Variants in RBM47 observed in about 807,000 individuals in gnomAD.
RBM47 encodes RNA-binding protein 47.
Under a neutral mutation model 47.1 loss-of-function variants are expected in RBM47, and 21 were observed. The ratio of observed to expected loss-of-function variants is 0.45; its 90% CI spans 0.32 to 0.64. The LOEUF (loss-of-function observed/expected upper bound fraction) is 0.64. Ranked by LOEUF, RBM47 falls within the 30% of genes least tolerant of loss-of-function variation. The pLI, the probability that RBM47 is intolerant of heterozygous loss-of-function variation, is 0.05. For synonymous variants in RBM47, 375 were observed against 361.7 expected (o/e 1.04, Z -0.42); for missense variants, 708 against 870.9 (o/e 0.81, Z 2.35).
At chr4:40,560,955 C>T (rs987279761) in intron 1 of RBM47, among the ~76,000 whole-genome samples, 1 of 150,238 alleles carries the variant, frequency 6.7e-6, no homozygotes, top group African/African-American at 2.4e-5. Flanking sequence ...AAAAGTAAGA[C>T]TCCTTCTCGG....
chr4:40,604,837 C>T (rs1414504741), intron 1 of RBM47, among the ~76,000 whole-genome samples: 3 of 152,154 alleles, frequency 2.0e-5, no homozygotes, highest in African/African-American at 7.2e-5. Flanking sequence ...CTGCCTCAGC[C>T]TCCTGAGTTG....
intron 1 of RBM47, among the ~76,000 whole-genome samples, chr4:40,601,037 C>G (rs567880242): frequency 6.2e-5 from 9 of 144,862 alleles, no homozygotes; most frequent in South Asian, 2.2e-4. Flanking sequence ...TCCTAGTAAG[C>G]CTTTCCAGTC....
rs142195023 is a variant in RBM47 at position 40,598,432 on chromosome 4, G to A, written c.-240+30964C>T. Among the ~76,000 whole-genome samples, 20 of 152,174 alleles carry A rather than the reference G, an allele frequency of 1.3e-4. No individual in the cohort carries two copies. The East Asian group carries it at 3.9e-3, about 29-fold the overall frequency. The stretch of plus-strand genomic sequence containing the variant: ...CAGCTAGTCTTTGTATTGTTTTGTA[G>A]AGAGAGGGTTTTGCCATGTTGCCCA... On this transcript the variant is annotated intron_variant, in intron 1 of 6. Transcript: ENST00000295971.
At chr4:40,554,949 T>G (rs1433743624) in intron 1 of RBM47, among the ~76,000 whole-genome samples, 1 of 151,970 alleles carries the variant, frequency 6.6e-6, no homozygotes, top group East Asian at 1.9e-4. Flanking sequence ...TTTGTTTTGT[T>G]TTTGAGACGT....
At chr4:40,545,507 T>C (rs1050108353) in intron 1 of RBM47, among the ~76,000 whole-genome samples, 3 of 149,394 alleles carry the variant, frequency 2.0e-5, no homozygotes, top group African/African-American at 4.9e-5. Context: ...CTACTAAAAA[T>C]ACAAAAATTA....
At position 40,498,054 on chromosome 4, in the gene RBM47, T is replaced by TTATATATATATATATATA. The variant is rs6148409; in HGVS notation, c.-154-31373_-154-31356dup. The stretch of plus-strand genomic sequence containing the variant: ...TGCAAATAAAATGTAAGTGCTTGTT[T>TTATATATATATATATATA]TATATATATATATATATATATATAT... On this transcript the variant is annotated intron_variant, in intron 2 of 6. Coordinates refer to ENST00000295971, the MANE Select transcript of RBM47 (RefSeq NM_001098634.2). Among the ~76,000 whole-genome samples the TTATATATATATATATATA allele has an allele frequency of 4.6e-3, 509 of 109,758 alleles. 15 individuals carry two copies. The highest frequency in any genetic ancestry group is 0.011 in the African/African-American group (352 of 31,606). The allele number at this position is 109,758 out of a possible 152,430, so 72.0% of individuals were successfully genotyped here. A position where few individuals can be genotyped will look rare whatever the true frequency, so the allele number is the denominator to read the frequency against.
rs57061272 is a variant in RBM47, at chr4:40,509,725, C to CAA, written c.-155+34695_-155+34696dup. On this transcript the variant is annotated intron_variant, in intron 2 of 6. Coordinates refer to ENST00000295971, the MANE Select transcript of RBM47 (RefSeq NM_001098634.2). ...TGAAACCCCGTCTCCACTAAAAATA[C>CAA]AAAAAAAAAAATTCTCCAGGCGTGG... is the stretch of plus-strand genomic sequence containing the variant. Among the ~76,000 whole-genome samples, 1,083 of 147,666 alleles carry CAA rather than the reference C, an allele frequency of 7.3e-3. 17 individuals carry two copies. Among genetic ancestry groups the CAA allele is most frequent in the African/African-American group, 0.025 (1,004 of 40,308 alleles).
At chr4:40,444,231 G>A (rs1714153258) in intron 3 of RBM47, among the ~76,000 whole-genome samples, 1 of 152,046 alleles carries the variant, frequency 6.6e-6, no homozygotes, top group Non-Finnish European at 1.5e-5. Flanking sequence ...AAAAGGAAAA[G>A]ATTTTCAAGT....
intron 2 of RBM47, among the ~76,000 whole-genome samples, chr4:40,503,267 G>A (rs1723641350): frequency 6.6e-6 from 1 of 152,186 alleles, no homozygotes; most frequent in African/African-American, 2.4e-5. Flanking sequence ...AAGGAGGCTG[G>A]GTAGATGCTT....
chr4:40,464,720 T>C (rs955594051), intron 3 of RBM47, among the ~76,000 whole-genome samples: 2 of 151,272 alleles, frequency 1.3e-5, no homozygotes, highest in Non-Finnish European at 2.9e-5. Flanking sequence ...ACCCCGTCTC[T>C]ATTAAAAATA....
chr4:40,507,407 A>T (rs75303392), intron 2 of RBM47, among the ~76,000 whole-genome samples: 27 of 152,360 alleles, frequency 1.8e-4, no homozygotes, highest in South Asian at 4.1e-4. Flanking sequence ...TTAAAAAAAA[A>T]TTCAAAAATT....
upstream of RBM47, chr4:40,630,254 C>G (rs1363281813): frequency 6.6e-6 from 1 of 152,380 alleles, no homozygotes; most frequent in Admixed American, 6.5e-5. Flanking sequence ...CTGTCCGAGT[C>G]AGACGCTCGG....
At chr4:40,514,269 C>G (rs1284051916) in intron 2 of RBM47, among the ~76,000 whole-genome samples, 1 of 152,074 alleles carries the variant, frequency 6.6e-6, no homozygotes, top group African/African-American at 2.4e-5. Flanking sequence ...ATCTCAAGCA[C>G]AAGTAGGTTT....
At chr4:40,630,522 AC>A (rs970745778), upstream of RBM47, 1 of 152,124 alleles carries the variant, frequency 6.6e-6, no homozygotes, top group African/African-American at 2.4e-5. Context: ...CGGGGCCCTG[AC>A]CTTTGCCGGG....
At chr4:40,546,760 G>A (rs1449384714) in intron 1 of RBM47, among the ~76,000 whole-genome samples, 8 of 152,162 alleles carry the variant, frequency 5.3e-5, no homozygotes, top group Admixed American at 4.6e-4. Context: ...ACGAGTGCCT[G>A]TTTCAAGGGT....
intron 1 of RBM47, among the ~76,000 whole-genome samples, chr4:40,626,429 G>A (rs538343405): frequency 2.2e-4 from 33 of 152,278 alleles, no homozygotes; most frequent in Admixed American, 1.6e-3. Context: ...AGGAGAGGAG[G>A]AGCCTCCACT....
chr4:40,600,377 G>T (rs746794393), intron 1 of RBM47, among the ~76,000 whole-genome samples: 1 of 151,332 alleles, frequency 6.6e-6, no homozygotes, highest in African/African-American at 2.4e-5. Flanking sequence ...GCTCAAGCCT[G>T]TAATCCCAGC....
At chr4:40,603,242 T>C (rs550720184) in intron 1 of RBM47, among the ~76,000 whole-genome samples, 24 of 152,324 alleles carry the variant, frequency 1.6e-4, no homozygotes, top group Admixed American at 2.6e-4. Flanking sequence ...TCACTGAACA[T>C]GGGTTTGTGG....
intron 1 of RBM47, among the ~76,000 whole-genome samples, chr4:40,622,468 C>A (rs1359221537): frequency 1.3e-5 from 2 of 152,160 alleles, no homozygotes; most frequent in African/African-American, 4.8e-5. Context: ...TGTGTGGTAG[C>A]AGGCGAGGTT....
Sources: allele counts gnomAD v4.1 joint callset (sites outside exome capture counted in the v4.1 genomes callset), GRCh38; gene constraint gnomAD v4.1.1; transcripts MANE v1.5; gene names NCBI Gene and HGNC (gene_info 2026-07-23, HGNC 2026-07-21).